Variants in GLI4 observed in about 807,000 individuals in gnomAD.
GLI4 encodes the protein zinc finger protein GLI4.
GLI4 carries 34 observed loss-of-function variants against 30.9 expected under a neutral mutation model. The observed-to-expected ratio is 1.10, with a 90% CI of 0.84 to 1.47. The LOEUF is 1.47. Ranked by LOEUF, GLI4 falls within the 40% of genes most tolerant of loss-of-function variation. The pLI, the probability that GLI4 is intolerant of heterozygous loss-of-function variation, is 0.00. For missense variants in GLI4, 696 were observed against 538.9 expected (o/e 1.29, Z -2.89); for synonymous variants, 277 against 236.7 (o/e 1.17, Z -1.56).
Position 143,276,205 on chromosome 8 carries a change from C to CGG in GLI4, c.537_538dup (p.Ala180GlyfsTer21). 1 of 1,574,700 alleles carries CGG rather than the reference C, an allele frequency of 6.4e-7. No homozygotes were observed. Among genetic ancestry groups the CGG allele is most frequent in the Non-Finnish European group, 8.6e-7 (1 of 1,161,034 alleles). The stretch of plus-strand genomic sequence containing the variant: ...CGGTCGGAGCCGGCAGGGCAGCGCG[C>CGG]GGGGGGCCAAGCCGCACAGGTGCGA... On this transcript the variant is annotated frameshift_variant, in exon 4 of 4. Transcript: ENST00000340042. LOFTEE classifies it high-confidence loss of function.
rs1563734771 is a variant in GLI4, at chr8:143,269,443, C to T, written c.47C>T (p.Pro16Leu). ...CAGGAGTCCCCTTCTGTCCCGTCCC[C>T]TGTCAGTCTCTCATCACCGGGGACA... ...DIQESPSVPS[P>L]VSLSSPGTPG... Residue 16 changes from proline to leucine, a missense_variant, in exon 2 of 4, where the codon CCT becomes CTT. Transcript: ENST00000340042. 3.1e-6 allele frequency: 5 copies of T among 1,610,358 alleles called. No individual in the cohort carries two copies. Among genetic ancestry groups the T allele is most frequent in the Non-Finnish European group, 4.2e-6 (5 of 1,177,202 alleles).
In GLI4 at chr8:143,276,457, A is replaced by C. The variant is rs1563737785; in HGVS notation, c.784A>C (p.Asn262His). ...CTTCACGCAGCACCTGCGCATCCACAACGGCGAGAAGCCCTACAAGTGCGG... is the reference window on the plus strand; with the variant it reads ...CTTCACGCAGCACCTGCGCATCCACCACGGCGAGAAGCCCTACAAGTGCGG... ...SHFTQHLRIH[N>H]GEKPYKCGEC... Residue 262 changes from asparagine to histidine, a missense_variant, in exon 4 of 4, where the codon AAC becomes CAC. Transcript: ENST00000340042. 1 of 1,612,486 alleles carries C rather than the reference A, an allele frequency of 6.2e-7. No homozygotes were observed. Among genetic ancestry groups the C allele is most frequent in the Non-Finnish European group, 8.5e-7 (1 of 1,179,676 alleles).
intron 2 of GLI4, among the ~76,000 whole-genome samples, chr8:143,272,843 G>A (rs1388209393): frequency 6.6e-6 from 1 of 152,188 alleles, no homozygotes; most frequent in African/African-American, 2.4e-5. Flanking sequence ...CAGTTCCCAG[G>A]GAGCTGGGGG....
Position 143,276,646 on chromosome 8 carries a change from T to C in GLI4, c.973T>C (p.Cys325Arg), listed in dbSNP as rs770954328. 6.2e-7 allele frequency: 1 copy of C among 1,612,166 alleles called. No individual in the cohort carries two copies. Among genetic ancestry groups the C allele is most frequent in the South Asian group, 1.1e-5 (1 of 91,046 alleles). The change falls in exon 4 of 4, where the codon TGC (cysteine) becomes CGC (arginine). Residue 325 changes from cysteine to arginine, a missense_variant. Coordinates refer to ENST00000340042, the MANE Select transcript of GLI4 (RefSeq NM_138465.4). ...CCACACTGGCGAGAAGCCCTACGAG[T>C]GCTCCGACTGCGGCAAAGCCTTCCG... The part of the protein sequence containing the change: ...RIHTGEKPYE[C>R]SDCGKAFRGR...
chr8:143,267,464 C>A lies in GLI4; in HGVS notation c.-58C>A. The A allele has an allele frequency of 1.0e-6, 1 of 985,400 alleles. No homozygotes were observed. 61.0% of individuals were successfully genotyped at this position (985,400 alleles called of 1,614,324 possible). On this transcript the variant is annotated 5_prime_UTR_variant, in exon 1 of 4. Transcript: ENST00000340042. Reference sequence around the variant, plus strand: ...CCGGACACTTCCGTCCGGCGCGCGGCGTCCTCCTCCCGCTCGGAAGGTGAG... The same window carrying A: ...CCGGACACTTCCGTCCGGCGCGCGGAGTCCTCCTCCCGCTCGGAAGGTGAG...
chr8:143,275,223 G>A, intron 3 of GLI4: 4 of 1,534,488 alleles, frequency 2.6e-6, no homozygotes, highest in Non-Finnish European at 3.5e-6. Flanking sequence ...GGTTGGAGCT[G>A]TGTCCAGGTC....
In GLI4 at chr8:143,268,177, C is replaced by T; in HGVS notation, c.-38+693C>T. 3 of 755,726 alleles carry T rather than the reference C, an allele frequency of 4.0e-6. No homozygotes were observed. In the South Asian group the frequency reaches 1.8e-4, roughly 45 times the overall value. 46.8% of individuals were successfully genotyped at this position (755,726 alleles called of 1,614,324 possible). A position where few individuals can be genotyped will look rare whatever the true frequency, so the allele number is the denominator to read the frequency against. ...AGTGGCCACCTACCTGGTGACCTGA[C>T]CCTTCCCATCATTAGGGGATGGAGG... On this transcript the variant is annotated intron_variant, in intron 1 of 3. Transcript: ENST00000340042.
rs1053406213 is a variant in GLI4, at chr8:143,269,476, C to G, written c.80C>G (p.Thr27Ser). The change falls in exon 2 of 4, where the codon ACC (threonine) becomes AGC (serine). Residue 27 changes from threonine (T) to serine (S), a missense_variant. Thr to Ser is a moderately conservative substitution (Grantham distance 58). Coordinates refer to ENST00000340042, the MANE Select transcript of GLI4 (RefSeq NM_138465.4). ...VSLSSPGTPG[T>S]QHHEPQLHLH... ...CTCTCATCACCGGGGACACCTGGAA[C>G]CCAGCACCACGAGCCTCAGCTTCAC... 1.9e-6 allele frequency: 3 copies of G among 1,612,642 alleles called. No individual in the cohort carries two copies. The highest frequency in any genetic ancestry group is 2.7e-5 in the African/African-American group (2 of 74,918).
At chr8:143,268,248 CCT>C (rs1466546157) in intron 1 of GLI4, 7 of 196,214 alleles carry the variant, frequency 3.6e-5, no homozygotes, top group African/African-American at 1.7e-4. Context: ...GTGGGAGCTG[CCT>C]CTCCCACTTC....
chr8:143,271,143 C>T (rs952282494), intron 2 of GLI4, among the ~76,000 whole-genome samples: 8 of 152,206 alleles, frequency 5.3e-5, no homozygotes, highest in African/African-American at 1.2e-4. Flanking sequence ...GTGGGGGCTG[C>T]ACCAGCAGCT....
chr8:143,275,666 C>T (rs1006653010), intron 3 of GLI4: 2 of 1,242,270 alleles, frequency 1.6e-6, no homozygotes, highest in Non-Finnish European at 2.0e-6. Flanking sequence ...TGGATGGTCC[C>T]AGCAGCTCTG....
intron 2 of GLI4, chr8:143,274,361 C>A: frequency 5.1e-6 from 1 of 195,036 alleles, no homozygotes; most frequent in Non-Finnish European, 1.0e-5. Context: ...GATGCTGGGG[C>A]ATGGAGGAGG....
rs1003210903 is a variant in GLI4, at chr8:143,275,119, C to G, written c.223+317C>G. The stretch of plus-strand genomic sequence containing the variant: ...CCCCTCCACCTGCCTTGGGCTGGGG[C>G]TTCTGGCTCAGGGCACCACTGTCCC... On this transcript the variant is annotated intron_variant, in intron 3 of 3. Coordinates refer to ENST00000340042, the MANE Select transcript of GLI4 (RefSeq NM_138465.4). 1.4e-5 allele frequency: 21 copies of G among 1,535,426 alleles called. No individual in the cohort carries two copies. In the African/African-American group the frequency reaches 2.1e-4, roughly 15 times the overall value.
chr8:143,275,697 C>T (rs992283097), intron 3 of GLI4, 200 bp from the exon 4 acceptor site: 2 of 1,242,134 alleles, frequency 1.6e-6, no homozygotes, highest in Admixed American at 4.1e-5. Flanking sequence ...CAACGCCCCC[C>T]ACCCCTGTGT....
chr8:143,276,875 G>A lies in GLI4; in HGVS notation c.*71G>A. 1 of 905,060 alleles carries A rather than the reference G, an allele frequency of 1.1e-6. No individual in the cohort carries two copies. The highest frequency in any genetic ancestry group is 2.7e-5 in the East Asian group (1 of 37,652). The allele number at this position is 905,060 out of a possible 1,614,324, so 56.1% of individuals were successfully genotyped here. A position where few individuals can be genotyped will look rare whatever the true frequency, so the allele number is the denominator to read the frequency against. On this transcript the variant is annotated 3_prime_UTR_variant, in exon 4 of 4. Transcript: ENST00000340042. The stretch of plus-strand genomic sequence containing the variant: ...CCCTCCACCCCGTCCCCCACGGTGG[G>A]CACTGCCCAGCACCGCATGCCACGT...
chr8:143,269,220 G>C (rs1461658918), intron 1 of GLI4, 140 bp from the exon 2 acceptor site: 1 of 685,606 alleles, frequency 1.5e-6, no homozygotes, highest in Non-Finnish European at 2.6e-6. Context: ...GTCTCTGTGG[G>C]TTCATCCTCC....
chr8:143,269,529 C>T lies in GLI4; in HGVS notation c.124+9C>T. 6.2e-7 allele frequency: 1 copy of T among 1,610,854 alleles called. No individual in the cohort carries two copies. Among genetic ancestry groups the T allele is most frequent in the Non-Finnish European group, 8.5e-7 (1 of 1,177,652 alleles). On this transcript the variant is annotated intron_variant, in intron 2 of 3. Coordinates refer to ENST00000340042, the MANE Select transcript of GLI4 (RefSeq NM_138465.4). ...CCATGGGCATCAACATGGTACTCAC[C>T]CAGCCCGCTGTGCGCCCTCCACCCT...
intron 1 of GLI4, 46 bp downstream of exon 1, chr8:143,267,530 A>G (rs1040266471): frequency 1.4e-5 from 14 of 985,790 alleles, no homozygotes; most frequent in African/African-American, 7.0e-5. Context: ...GCCTGGGACC[A>G]GCCCAGTCCG....
In GLI4 at chr8:143,276,210, G is replaced by T. The variant is rs1318102019; in HGVS notation, c.537G>T (p.Gly179=). ...GGAGCCGGCAGGGCAGCGCGCGGGG[G>T]GCCAAGCCGCACAGGTGCGAGGCCT... ...FGRSRQGSAR[G]AKPHRCEACG... The change falls in exon 4 of 4, where the codon GGG becomes GGT. Residue 179 remains glycine (G), a synonymous_variant. Transcript: ENST00000340042. 1 of 1,580,160 alleles carries T rather than the reference G, an allele frequency of 6.3e-7. No individual in the cohort carries two copies. The highest frequency in any genetic ancestry group is 8.6e-7 in the Non-Finnish European group (1 of 1,163,988).
Sources: allele counts gnomAD v4.1 joint callset (sites outside exome capture counted in the v4.1 genomes callset), GRCh38; gene constraint gnomAD v4.1.1; transcripts MANE v1.5; gene names NCBI Gene and HGNC (gene_info 2026-07-23, HGNC 2026-07-21).